Variants in FAM227A observed in about 807,000 individuals in gnomAD.
FAM227A encodes the protein family with sequence similarity 227 member A.
In FAM227A, 80 loss-of-function variants were observed where a neutral mutation model predicts 74.7. The ratio of observed to expected loss-of-function variants is 1.07; its 90% CI spans 0.89 to 1.29. The LOEUF is 1.29. Among genes scored for constraint, FAM227A ranks in the 50% most tolerant of loss-of-function variants. The pLI is 0.00. For synonymous variants in FAM227A, 237 were observed against 241.8 expected (o/e 0.98, Z 0.19); for missense variants, 654 against 683.4 (o/e 0.96, Z 0.48).
At chr22:38,625,621 CT>C (rs1291041254) in intron 9 of FAM227A, among the ~76,000 whole-genome samples, 1 of 151,938 alleles carries the variant, frequency 6.6e-6, no homozygotes, top group Non-Finnish European at 1.5e-5. Flanking sequence ...GATATGGCCC[CT>C]CACTCCCTGT....
chr22:38,599,221 A>T (rs1370745475), intron 14 of FAM227A, among the ~76,000 whole-genome samples: 4 of 151,930 alleles, frequency 2.6e-5, no homozygotes, highest in Non-Finnish European at 5.9e-5. Flanking sequence ...CTCGGCTCTC[A>T]CAGTGCTGGG....
Position 38,638,746 on chromosome 22 carries a change from C to T in FAM227A, c.372G>A (p.Arg124=). The T allele has an allele frequency of 6.5e-7, 1 of 1,547,598 alleles. No homozygotes were observed. The highest frequency in any genetic ancestry group is 8.7e-7 in the Non-Finnish European group (1 of 1,143,598). The part of the protein sequence containing the change: ...LRHARSSVIK[R]KTADKNLLAE... ...ACAGACACAGCAGTAGATCCCTTAC[C>T]CTTTTTATAACAGAAGATCTGGCAT... Residue 124 remains arginine (R), a splice_region_variant and synonymous_variant, in exon 5 of 17, where the codon AGG becomes AGA. Coordinates refer to ENST00000535113, the MANE Select transcript of FAM227A (RefSeq NM_001013647.2).
chr22:38,628,438 A>G, intron 7 of FAM227A, 96 bp from the exon 8 acceptor site: 1 of 765,892 alleles, frequency 1.3e-6, no homozygotes, highest in Non-Finnish European at 2.2e-6. Flanking sequence ...TTCATTTCCA[A>G]GAATCTTATT....
chr22:38,628,159 T>A, intron 8 of FAM227A, 79 bp downstream of exon 8: 2 of 854,196 alleles, frequency 2.3e-6, no homozygotes, highest in Non-Finnish European at 3.8e-6. Flanking sequence ...ATGTAAAGAA[T>A]GTTTAAGACA....
At chr22:38,618,939 C>G (rs116848925) in intron 11 of FAM227A, among the ~76,000 whole-genome samples, 4,868 of 151,026 alleles carry the variant, frequency 0.032, 149 homozygotes, top group Admixed American at 0.075. Context: ...TTTGCTAAAC[C>G]CTGCCCTGGG....
Position 38,591,293 on chromosome 22 carries a change from A to G in FAM227A, c.1638+142T>C, listed in dbSNP as rs2090928311. On this transcript the variant is annotated intron_variant, in intron 16 of 16. Coordinates refer to ENST00000535113, the MANE Select transcript of FAM227A (RefSeq NM_001013647.2). ...GAGCTATGATGGCACCACTGCACTC[A>G]GCCTTGAGGAGAGAGTGAGACTCTG... is the stretch of plus-strand genomic sequence containing the variant. 41 of 1,380,352 alleles carry G rather than the reference A, an allele frequency of 3.0e-5. 1 individual carries two copies. In the South Asian group the frequency reaches 6.9e-4, roughly 23 times the overall value. 85.5% of individuals were successfully genotyped at this position (1,380,352 alleles called of 1,614,324 possible).
Position 38,582,678 on chromosome 22 carries a change from C to T in FAM227A, c.*3447G>A. ...GATCTTGGACTGTGCAACAAATGGTCCTGACAGACAGAAATGCAGTTTGTC... is the reference window on the plus strand; with the variant it reads ...GATCTTGGACTGTGCAACAAATGGTTCTGACAGACAGAAATGCAGTTTGTC... On this transcript the variant is annotated 3_prime_UTR_variant, in exon 17 of 17. Coordinates refer to ENST00000535113, the MANE Select transcript of FAM227A (RefSeq NM_001013647.2). The T allele has an allele frequency of 1.2e-6, 1 of 854,092 alleles. No individual in the cohort carries two copies. Among genetic ancestry groups the T allele is most frequent in the Non-Finnish European group, 1.8e-6 (1 of 560,032 alleles). 52.9% of individuals were successfully genotyped at this position (854,092 alleles called of 1,614,324 possible).
At chr22:38,597,750 C>T (rs1221596092) in intron 14 of FAM227A, among the ~76,000 whole-genome samples, 3 of 152,128 alleles carry the variant, frequency 2.0e-5, no homozygotes, top group Non-Finnish European at 2.9e-5. Flanking sequence ...TTCTCCATCT[C>T]GTTTGTATAT....
In FAM227A at chr22:38,579,886, AAAT is replaced by A. The variant is rs1442175330; in HGVS notation, c.*6236_*6238del. 6.6e-6 allele frequency: 1 copy of A among 152,160 alleles called. No individual in the cohort carries two copies. The highest frequency in any genetic ancestry group is 1.5e-5 in the Non-Finnish European group (1 of 68,030). 9.4% of individuals were successfully genotyped at this position (152,160 alleles called of 1,614,324 possible). Reference sequence around the variant, plus strand: ...GCCACATTTTGTTTCAATGGGATCCAAATAATGTCCACATGTTGTAATTGATTG... The same window carrying A: ...GCCACATTTTGTTTCAATGGGATCCAAATGTCCACATGTTGTAATTGATTG... On this transcript the variant is annotated 3_prime_UTR_variant, in exon 17 of 17. Coordinates refer to ENST00000535113, the MANE Select transcript of FAM227A (RefSeq NM_001013647.2).
intron 15 of FAM227A, among the ~76,000 whole-genome samples, chr22:38,596,362 A>C (rs2091044938): frequency 6.6e-6 from 1 of 152,086 alleles, no homozygotes; most frequent in Non-Finnish European, 1.5e-5. Context: ...TCTTGATTGG[A>C]TCCTGGAGCA....
intron 5 of FAM227A, 72 bp downstream of exon 5, chr22:38,638,674 C>A (rs964102617): frequency 6.2e-6 from 7 of 1,132,218 alleles, no homozygotes; most frequent in Non-Finnish European, 7.8e-6. Context: ...TATTCTCCTC[C>A]CCAGGAATAA....
chr22:38,611,551 T>C (rs551883364), intron 11 of FAM227A, among the ~76,000 whole-genome samples: 58 of 152,166 alleles, frequency 3.8e-4, no homozygotes, highest in Non-Finnish European at 6.3e-4. Flanking sequence ...CTAGATTGAA[T>C]CTATAAGAAT....
intron 5 of FAM227A, among the ~76,000 whole-genome samples, 177 bp from the exon 6 acceptor site, chr22:38,636,774 T>C (rs915036092): frequency 3.3e-5 from 5 of 149,574 alleles, no homozygotes; most frequent in Admixed American, 2.0e-4. Flanking sequence ...TTATTTCTTT[T>C]TTTTTTTTTT....
chr22:38,599,874 G>A lies in FAM227A; in HGVS notation c.1269C>T (p.Asn423=), dbSNP rs371089226. 1.1e-4 allele frequency: 172 copies of A among 1,551,496 alleles called. No homozygotes were observed. The African/African-American group carries it at 2.1e-3, about 19-fold the overall frequency. The change falls in exon 14 of 17, where the codon AAC becomes AAT. Residue 423 remains asparagine, a synonymous_variant. Coordinates refer to ENST00000535113, the MANE Select transcript of FAM227A (RefSeq NM_001013647.2). ...KSPELTSNLF[N]IYGKSPLIVY... ...CAATCAGAGGGCTCTTCCCATAAAT[G>A]TTGAAGAGGTTTGAAGTCAGCTCAG...
Position 38,599,770 on chromosome 22 carries a change from C to T in FAM227A, c.1373G>A (p.Ser458Asn), listed in dbSNP as rs760878269. Residue 458 changes from serine (S) to asparagine (N), a missense_variant, in exon 14 of 17, where the codon AGC becomes AAC. Coordinates refer to ENST00000535113, the MANE Select transcript of FAM227A (RefSeq NM_001013647.2). ...VLIVRREKTT[S>N]TPDCTPTYTD... Reference sequence around the variant, plus strand: ...CCCACAGTGACAAGGATATGGGGTGCTCGTGGTCTTTTCCCTTCTGACTAT... The same window carrying T: ...CCCACAGTGACAAGGATATGGGGTGTTCGTGGTCTTTTCCCTTCTGACTAT... The T allele has an allele frequency of 4.1e-5, 63 of 1,550,854 alleles. No homozygotes were observed. The highest frequency in any genetic ancestry group is 2.3e-4 in the South Asian group (19 of 83,928).
intron 16 of FAM227A, among the ~76,000 whole-genome samples, chr22:38,586,835 A>G (rs2090820377): frequency 6.6e-6 from 1 of 151,480 alleles, no homozygotes; most frequent in South Asian, 2.1e-4. Context: ...TGCCCAGCTA[A>G]TTTGTTTTTT....
intron 11 of FAM227A, among the ~76,000 whole-genome samples, chr22:38,612,060 T>A (rs2091424054): frequency 6.6e-6 from 1 of 152,114 alleles, no homozygotes; most frequent in South Asian, 2.1e-4. Flanking sequence ...TGTTGAAAGA[T>A]CCATCTCCCA....
chr22:38,639,342 G>A (rs1457820920), intron 4 of FAM227A, among the ~76,000 whole-genome samples: 1 of 151,572 alleles, frequency 6.6e-6, no homozygotes, highest in Admixed American at 6.6e-5. Flanking sequence ...CCGGGAGGCG[G>A]AGGTTGCAGT....
chr22:38,585,963 C>T lies in FAM227A; in HGVS notation c.*162G>A. ...CAACTCTCTACTCCTGCTTTTCACTCAGCCTAGGAAAAACTACAACGGAAT... is the reference window on the plus strand; with the variant it reads ...CAACTCTCTACTCCTGCTTTTCACTTAGCCTAGGAAAAACTACAACGGAAT... On this transcript the variant is annotated 3_prime_UTR_variant, in exon 17 of 17. Transcript: ENST00000535113. The T allele has an allele frequency of 2.0e-6, 3 of 1,475,602 alleles. No homozygotes were observed. Among genetic ancestry groups the T allele is most frequent in the Non-Finnish European group, 2.7e-6 (3 of 1,108,894 alleles). The allele number at this position is 1,475,602 out of a possible 1,614,324, so 91.4% of individuals were successfully genotyped here.
Sources: gnomAD v4.1 joint callset for allele counts (sites outside exome capture counted in the v4.1 genomes callset) on GRCh38, gnomAD v4.1.1 for gene constraint, MANE v1.5 for transcripts, NCBI Gene and HGNC (gene_info 2026-07-23, HGNC 2026-07-21) for gene names.